The following PHACTR4 variants were observed in gnomAD, a reference collection of about 807,000 sequenced individuals.
PHACTR4 encodes protein phosphatase 1, regulatory subunit 124.
PHACTR4 carries 51 observed loss-of-function variants against 72.7 expected under a neutral mutation model. The ratio of observed to expected loss-of-function variants is 0.70; its 90% confidence interval spans 0.56 to 0.89. The LOEUF is 0.89. Ranked by LOEUF, PHACTR4 falls within the 40% of genes least tolerant of loss-of-function variation. The pLI, the probability that PHACTR4 is intolerant of heterozygous loss-of-function variation, is 0.00. For synonymous variants in PHACTR4, 255 were observed against 302.5 expected, an observed-to-expected ratio of 0.84 and a Z score of 1.63; for missense variants, 731 against 861.8, an observed-to-expected ratio of 0.85 and a Z score of 1.90.
At chr1:28,377,025 G>T (rs1651732793) in intron 1 of PHACTR4, among the ~76,000 whole-genome samples, 1 of 151,432 alleles carries the variant, frequency 6.6e-6, no homozygotes, top group Admixed American at 6.6e-5. Flanking sequence ...TGCCTCCCGG[G>T]TTCAAGCGAT....
rs60558818 is a variant in PHACTR4 at position 28,400,376 on chromosome 1, T to TA, written c.-38-7017dup. Among the ~76,000 whole-genome samples the TA allele has an allele frequency of 1.6e-3, 204 of 129,408 alleles. 1 individual carries two copies. Among genetic ancestry groups the TA allele is most frequent in the East Asian group, 7.9e-3 (34 of 4,330 alleles). The allele number at this position is 129,408 out of a possible 152,430, so 84.9% of individuals were successfully genotyped here. ...TGACAGAGCAAGACTCCATCTCAAT[T>TA]AAAAAAAAAAAAAAAAAGAGAAATC... On this transcript the variant is annotated intron_variant, in intron 1 of 13. Coordinates refer to ENST00000373839, the MANE Select transcript of PHACTR4 (RefSeq NM_001048183.3).
At chr1:28,371,227 C>T (rs1022869575) in intron 1 of PHACTR4, among the ~76,000 whole-genome samples, 2 of 152,192 alleles carry the variant, frequency 1.3e-5, no homozygotes, top group African/African-American at 4.8e-5. Context: ...ATCCTTCCAC[C>T]AGAGGCTCCC....
chr1:28,390,074 A>T (rs1652885232), intron 1 of PHACTR4, among the ~76,000 whole-genome samples: 1 of 152,200 alleles, frequency 6.6e-6, no homozygotes, highest in Non-Finnish European at 1.5e-5. Context: ...GACAACATGG[A>T]TGAACTTAGA....
At chr1:28,388,818 C>T (rs1652780771) in intron 1 of PHACTR4, among the ~76,000 whole-genome samples, 1 of 152,054 alleles carries the variant, frequency 6.6e-6, no homozygotes, top group South Asian at 2.1e-4. Context: ...CCATTGTACT[C>T]CAGCCTGGGC....
At chr1:28,450,209 T>C (rs2124440461) in intron 2 of PHACTR4, among the ~76,000 whole-genome samples, 2 of 152,114 alleles carry the variant, frequency 1.3e-5, no homozygotes, top group East Asian at 3.9e-4. Flanking sequence ...AAGAAAAAGG[T>C]GTTTTCTTTG....
intron 7 of PHACTR4, 120 bp from the exon 8 acceptor site, chr1:28,475,987 C>T (rs1659892395): frequency 1.1e-6 from 1 of 933,694 alleles, no homozygotes; most frequent in Non-Finnish European, 1.5e-6. Context: ...CTCCATCTCC[C>T]AAAGTGCTGG....
At chr1:28,387,088 C>T (rs1652614733) in intron 1 of PHACTR4, among the ~76,000 whole-genome samples, 1 of 151,914 alleles carries the variant, frequency 6.6e-6, no homozygotes, top group Admixed American at 6.6e-5. Context: ...TGGTGAAACC[C>T]TGTCTCTACT....
At chr1:28,372,041 C>T (rs948063197) in intron 1 of PHACTR4, among the ~76,000 whole-genome samples, 2 of 151,558 alleles carry the variant, frequency 1.3e-5, no homozygotes, top group Non-Finnish European at 2.9e-5. Flanking sequence ...GCCACCACTC[C>T]CGGCTAATTT....
At chr1:28,475,665 G>T (rs751916615) in intron 7 of PHACTR4, among the ~76,000 whole-genome samples, 4 of 151,102 alleles carry the variant, frequency 2.6e-5, no homozygotes, top group Admixed American at 6.6e-5. Flanking sequence ...TTAAGGGAGA[G>T]AATTAATTAT....
intron 1 of PHACTR4, 143 bp downstream of exon 1, chr1:28,369,968 G>A (rs1651095744): frequency 2.9e-6 from 1 of 340,956 alleles, no homozygotes; most frequent in Non-Finnish European, 5.6e-6. Flanking sequence ...CCGTCGCTTC[G>A]GGCCAGGGCG....
At position 28,402,308 on chromosome 1, in the gene PHACTR4, A is replaced by C. The variant is rs552228039; in HGVS notation, c.-38-5102A>C. Among the ~76,000 whole-genome samples, 51 of 152,308 alleles carry C rather than the reference A, an allele frequency of 3.3e-4. 1 individual carries two copies. The South Asian group carries it at 0.011, about 32-fold the overall frequency. On this transcript the variant is annotated intron_variant, in intron 1 of 13. Coordinates refer to ENST00000373839, the MANE Select transcript of PHACTR4 (RefSeq NM_001048183.3). ...GTGGGAAATCAAGAGTTTGTTCTTTAAAACATAGTAAGTTTATGAAACTTC... is the reference window on the plus strand; with the variant it reads ...GTGGGAAATCAAGAGTTTGTTCTTTCAAACATAGTAAGTTTATGAAACTTC...
chr1:28,445,651 T>A (rs1464970562), intron 2 of PHACTR4, among the ~76,000 whole-genome samples: 6 of 152,230 alleles, frequency 3.9e-5, no homozygotes. Context: ...AACTTGGAGT[T>A]ATGGGGTTCT....
At chr1:28,458,454 T>G (rs1658566147) in intron 2 of PHACTR4, among the ~76,000 whole-genome samples, 1 of 152,084 alleles carries the variant, frequency 6.6e-6, no homozygotes, top group Non-Finnish European at 1.5e-5. Context: ...AGCCTATGAT[T>G]GTCTCTAAGG....
chr1:28,460,174 G>A (rs199960014), intron 3 of PHACTR4, 38 bp from the exon 4 acceptor site: 32 of 1,432,074 alleles, frequency 2.2e-5, no homozygotes, highest in Non-Finnish European at 3.0e-5. Context: ...ACTTTCAACT[G>A]TCACATTTCT....
intron 8 of PHACTR4, among the ~76,000 whole-genome samples, chr1:28,478,640 G>A (rs1374077381): frequency 6.6e-6 from 1 of 151,760 alleles, no homozygotes; most frequent in Non-Finnish European, 1.5e-5. Flanking sequence ...TTTTTTAGTG[G>A]AGACAGGGTT....
intron 2 of PHACTR4, among the ~76,000 whole-genome samples, chr1:28,431,681 C>G (rs1656280697): frequency 1.3e-5 from 2 of 152,098 alleles, no homozygotes; most frequent in Non-Finnish European, 2.9e-5. Context: ...TAAAGTCTTC[C>G]ACATCTTCTG....
intron 1 of PHACTR4, among the ~76,000 whole-genome samples, chr1:28,386,989 G>A (rs1316293825): frequency 6.6e-6 from 1 of 151,958 alleles, no homozygotes; most frequent in Admixed American, 6.6e-5. Flanking sequence ...CAGGCTGGGC[G>A]AGATGGCTCA....
chr1:28,493,670 T>C (rs1489556454), intron 13 of PHACTR4, among the ~76,000 whole-genome samples: 4 of 152,196 alleles, frequency 2.6e-5, no homozygotes, highest in Non-Finnish European at 4.4e-5. Context: ...AGGCTCACAA[T>C]GGTTAAGTAA....
chr1:28,455,030 T>C (rs937359526), intron 2 of PHACTR4, among the ~76,000 whole-genome samples: 13 of 151,288 alleles, frequency 8.6e-5, no homozygotes, highest in African/African-American at 3.2e-4. Flanking sequence ...CAGCTAATTT[T>C]TTTTTGTTGT....
Sources: gnomAD v4.1 joint callset for allele counts (sites outside exome capture counted in the v4.1 genomes callset) on GRCh38, gnomAD v4.1.1 for gene constraint, MANE v1.5 for transcripts, NCBI Gene and HGNC (gene_info 2026-07-23, HGNC 2026-07-21) for gene names.